The following RNF19A variants were observed in gnomAD, a reference collection of about 807,000 sequenced individuals.
The protein encoded by RNF19A is ring finger protein 19A, RBR E3 ubiquitin protein ligase.
A neutral mutation model predicts 75.7 loss-of-function variants in RNF19A; 32 were observed. The observed-to-expected ratio is 0.42, with a 90% CI of 0.32 to 0.57. The LOEUF is 0.57. RNF19A is among the 20% of genes least tolerant of loss of function. The pLI is 0.10. For missense variants in RNF19A, 782 were observed against 1,036.3 expected (o/e 0.75, Z 3.37); for synonymous variants, 335 against 345.2 (o/e 0.97, Z 0.33).
upstream of RNF19A, among the ~76,000 whole-genome samples, chr8:100,313,642 C>T (rs188116763): frequency 2.0e-4 from 31 of 152,194 alleles, no homozygotes; most frequent in Non-Finnish European, 2.2e-4. Context: ...GTTTAAGCAG[C>T]GTGACATCTG....
At chr8:100,310,716 A>C (rs1822272282), upstream of RNF19A, among the ~76,000 whole-genome samples, 2 of 152,148 alleles carry the variant, frequency 1.3e-5, no homozygotes, top group South Asian at 4.1e-4. Flanking sequence ...TAGCAAGCCT[A>C]CGTGAGGGTT....
In RNF19A at chr8:100,323,850, T is replaced by G. The variant is rs992116433; in HGVS notation, c.-242-10478A>C. The stretch of plus-strand genomic sequence containing the variant: ...AGTTTTCAATAAACATCACAAGTTG[T>G]TTGTAAAATGACTGTGCCAAACCAA... On this transcript the variant is annotated intron_variant, in intron 1 of 3. Transcript: ENST00000519527. This position sits in a 1 kb window ranked among gnomAD's most constrained non-coding sequence, Gnocchi z 4.6. 2.1e-4 allele frequency among the ~76,000 whole-genome samples: 32 copies of G among 152,324 alleles called. No homozygotes were observed. The highest frequency in any genetic ancestry group is 9.8e-4 in the Admixed American group (15 of 15,294).
intron 1 of RNF19A, among the ~76,000 whole-genome samples, chr8:100,288,633 T>C (rs192731127): frequency 1.3e-5 from 2 of 152,282 alleles, no homozygotes; most frequent in Admixed American, 6.5e-5. Flanking sequence ...TACACAATCT[T>C]GCAGAACAAA....
At chr8:100,302,118 G>A (rs1821863308) in intron 1 of RNF19A, among the ~76,000 whole-genome samples, 1 of 152,192 alleles carries the variant, frequency 6.6e-6, no homozygotes, top group Admixed American at 6.5e-5. Context: ...TAAGTACTTT[G>A]GCTTTTATTC....
chr8:100,308,661 T>TA (rs1822158113), intron 1 of RNF19A, among the ~76,000 whole-genome samples: 2 of 148,596 alleles, frequency 1.3e-5, no homozygotes. Context: ...AAAAGATATT[T>TA]TAAAAAAATG....
rs1174203643 is a variant in RNF19A, at chr8:100,257,213, T to C, written c.*1343A>G. On this transcript the variant is annotated 3_prime_UTR_variant, in exon 10 of 10. Transcript: ENST00000341084. ...GTTATAAGCATATTAATGGACCTGG[T>C]AGGGAAAAGTGATGGAAGAAGACTG... The C allele has an allele frequency of 6.6e-6, 1 of 152,566 alleles. No individual in the cohort carries two copies. Among genetic ancestry groups the C allele is most frequent in the Non-Finnish European group, 1.5e-5 (1 of 68,024 alleles). 9.5% of individuals were successfully genotyped at this position (152,566 alleles called of 1,614,324 possible). A position where few individuals can be genotyped will look rare whatever the true frequency, so the allele number is the denominator to read the frequency against.
chr8:100,303,937 C>CA (rs371007002), intron 1 of RNF19A, among the ~76,000 whole-genome samples: 4 of 150,848 alleles, frequency 2.7e-5, no homozygotes, highest in Non-Finnish European at 5.9e-5. Flanking sequence ...ACTCTGTCTC[C>CA]AAAAAAAAGT....
At chr8:100,277,184 C>G (rs1378616323) in intron 2 of RNF19A, among the ~76,000 whole-genome samples, 1 of 152,126 alleles carries the variant, frequency 6.6e-6, no homozygotes, top group East Asian at 1.9e-4. Flanking sequence ...GTTTTCAGAG[C>G]TGTCAATAAA....
chr8:100,298,676 T>C (rs1821684701), intron 1 of RNF19A, among the ~76,000 whole-genome samples: 1 of 152,184 alleles, frequency 6.6e-6, no homozygotes, highest in African/African-American at 2.4e-5. Context: ...CACATCTACC[T>C]GTTTAAGTCC....
Position 100,287,686 on chromosome 8 carries a change from T to TA in RNF19A, c.488dup (p.Leu163PhefsTer7). 1 of 1,614,072 alleles carries TA rather than the reference T, an allele frequency of 6.2e-7. No homozygotes were observed. The highest frequency in any genetic ancestry group is 8.5e-7 in the Non-Finnish European group (1 of 1,179,962). ...CTCTGCTTTCAGAGATTTCTATCCT[T>TA]AAATATTGTCGTAAGCAATCCACAC... On this transcript the variant is annotated frameshift_variant, in exon 2 of 10. Transcript: ENST00000341084. LOFTEE classifies it high-confidence loss of function. This position sits in a 1 kb window ranked among gnomAD's most constrained non-coding sequence, Gnocchi z 4.1.
At chr8:100,298,423 T>C (rs193044555) in intron 1 of RNF19A, among the ~76,000 whole-genome samples, 2 of 152,304 alleles carry the variant, frequency 1.3e-5, no homozygotes, top group Admixed American at 1.3e-4. Context: ...CAACTACTTA[T>C]AAATGAGGGA....
At chr8:100,316,284 G>A (rs982430147) in intron 1 of RNF19A, among the ~76,000 whole-genome samples, 5 of 152,088 alleles carry the variant, frequency 3.3e-5, no homozygotes, top group Non-Finnish European at 5.9e-5. Context: ...GGACCCAAAG[G>A]GTGAGCAGTA....
intron 1 of RNF19A, chr8:100,309,173 G>T: frequency 6.1e-6 from 2 of 327,104 alleles, no homozygotes; most frequent in Non-Finnish European, 8.8e-6. Context: ...ACACCCTAAA[G>T]GCTTAGCACG....
At chr8:100,280,006 T>C (rs1054600260) in intron 2 of RNF19A, among the ~76,000 whole-genome samples, 3 of 152,148 alleles carry the variant, frequency 2.0e-5, no homozygotes, top group African/African-American at 7.2e-5. Flanking sequence ...TCTCTTAAGA[T>C]AGCTATCTTA....
At chr8:100,314,569 C>A (rs1181513897), upstream of RNF19A, among the ~76,000 whole-genome samples, 2 of 152,010 alleles carry the variant, frequency 1.3e-5, no homozygotes, top group Non-Finnish European at 2.9e-5. The surrounding 1 kb of genome is among the most constrained non-coding windows in gnomAD (Gnocchi z 4.1). Context: ...ACCACAAATC[C>A]CCCCATCCTT....
At chr8:100,309,351 GGC>G (rs763878086) in intron 1 of RNF19A, 10 of 985,824 alleles carry the variant, frequency 1.0e-5, no homozygotes, top group Non-Finnish European at 1.1e-5. Context: ...CGGCTTGCGG[GGC>G]GATGTCCCGG....
chr8:100,296,719 T>C (rs1821581825), intron 1 of RNF19A, among the ~76,000 whole-genome samples: 1 of 152,204 alleles, frequency 6.6e-6, no homozygotes. Context: ...AAGTTAACAG[T>C]TTCTGTAAAT....
upstream of RNF19A, among the ~76,000 whole-genome samples, chr8:100,312,013 C>A (rs1217037786): frequency 6.6e-6 from 1 of 152,210 alleles, no homozygotes; most frequent in Non-Finnish European, 1.5e-5. Flanking sequence ...CAGATTCAGG[C>A]TGTCCAAGAT....
At chr8:100,327,497 C>T (rs1002424379) in intron 1 of RNF19A, among the ~76,000 whole-genome samples, 3 of 151,970 alleles carry the variant, frequency 2.0e-5, no homozygotes, top group African/African-American at 7.3e-5. Context: ...GTGATGTTCC[C>T]GCCTCGGCCT....
Sources: gnomAD v4.1 joint callset for allele counts (sites outside exome capture counted in the v4.1 genomes callset) on GRCh38, gnomAD v4.1.1 for gene constraint, Gnocchi (gnomAD v3.1) non-coding constraint, MANE v1.5 for transcripts, NCBI Gene and HGNC (gene_info 2026-07-23, HGNC 2026-07-21) for gene names.